ANKRD62: variants seen among roughly 807,000 people sequenced by gnomAD.
ANKRD62 encodes ankyrin repeat domain-containing protein 62.
Under a neutral mutation model 98.8 loss-of-function variants are expected in ANKRD62, and 61 were observed. The ratio of observed to expected loss-of-function variants is 0.62; its 90% CI spans 0.50 to 0.76. ANKRD62 has a LOEUF of 0.76. Among genes scored for constraint, ANKRD62 ranks in the 30% least tolerant of loss-of-function variants. The probability of loss-of-function intolerance (pLI) is 0.00; values close to 1 mark genes in which losing one functional copy is unlikely to be tolerated. For synonymous variants in ANKRD62, 341 were observed against 367.9 expected, an observed-to-expected ratio of 0.93 and a Z score of 0.84; for missense variants, 933 against 1,082.9, an observed-to-expected ratio of 0.86 and a Z score of 1.94.
chr18:12,179,717 A>G, the ANKRD62 span, among the ~76,000 whole-genome samples: 1 of 147,528 alleles, frequency 6.8e-6, no homozygotes, highest in Non-Finnish European at 1.5e-5. Context: ...GAAAGCAAAC[A>G]GATTAAGAAA....
intron 6 of ANKRD62, chr18:12,102,166 T>C (rs1373455077): frequency 9.8e-7 from 1 of 1,023,926 alleles, no homozygotes; most frequent in Non-Finnish European, 1.6e-6. Context: ...CGAGTAACTA[T>C]GAAGAGTGAG....
intron 10 of ANKRD62, among the ~76,000 whole-genome samples, chr18:12,117,912 T>C (rs1176895130): frequency 6.6e-6 from 1 of 152,210 alleles, no homozygotes; most frequent in Non-Finnish European, 1.5e-5. Context: ...AAAGACTTTA[T>C]TTATCAGACC....
At chr18:12,100,603 T>C (rs1473828845) in intron 6 of ANKRD62, among the ~76,000 whole-genome samples, 1 of 152,194 alleles carries the variant, frequency 6.6e-6, no homozygotes, top group Non-Finnish European at 1.5e-5. Flanking sequence ...CAATAAGAAC[T>C]GTACCAATAC....
At chr18:12,180,989 T>C in the ANKRD62 span, among the ~76,000 whole-genome samples, 1 of 147,880 alleles carries the variant, frequency 6.8e-6, no homozygotes, top group East Asian at 2.2e-4. Flanking sequence ...CCTTCCTGTG[T>C]CCATGTGTTC....
chr18:12,105,816 C>T (rs1041277966), intron 7 of ANKRD62, among the ~76,000 whole-genome samples: 4 of 152,100 alleles, frequency 2.6e-5, no homozygotes, highest in Non-Finnish European at 5.9e-5. Flanking sequence ...GGCATAGGGA[C>T]TGGGAAAAAA....
chr18:12,101,581 G>A (rs776999345), intron 6 of ANKRD62, among the ~76,000 whole-genome samples: 1 of 152,128 alleles, frequency 6.6e-6, no homozygotes, highest in Non-Finnish European at 1.5e-5. Flanking sequence ...AATTTTCTGC[G>A]ATGTTTTTAT....
At chr18:12,105,972 G>A (rs1198834355) in intron 7 of ANKRD62, among the ~76,000 whole-genome samples, 1 of 152,142 alleles carries the variant, frequency 6.6e-6, no homozygotes, top group African/African-American at 2.4e-5. Flanking sequence ...GAAATCAATG[G>A]GAAGGAAGCA....
chr18:12,111,413 T>C (rs890926560), intron 8 of ANKRD62, among the ~76,000 whole-genome samples: 18 of 152,096 alleles, frequency 1.2e-4, no homozygotes, highest in African/African-American at 4.3e-4. Context: ...TACCTCAAAA[T>C]AATAAGAGCC....
At position 12,107,459 on chromosome 18, in the gene ANKRD62, G is replaced by T. The variant is rs1568060728; in HGVS notation, c.1056G>T (p.Glu352Asp). The T allele has an allele frequency of 2.7e-6, 4 of 1,500,620 alleles. No individual in the cohort carries two copies. Among genetic ancestry groups the T allele is most frequent in the East Asian group, 2.5e-5 (1 of 39,216 alleles). 93.0% of individuals were successfully genotyped at this position (1,500,620 alleles called of 1,614,324 possible). The change falls in exon 8 of 14, where the codon GAG (glutamate) becomes GAT (aspartate). Residue 352 changes from glutamate to aspartate, a missense_variant. Coordinates refer to ENST00000587848, the MANE Select transcript of ANKRD62 (RefSeq NM_001277333.2). Reference sequence around the variant, plus strand: ...AATCTCCTGGGAAGGAGAATGGCGAGTTTGATAGGTAATCCTGTAGCGATA... The same window carrying T: ...AATCTCCTGGGAAGGAGAATGGCGATTTTGATAGGTAATCCTGTAGCGATA... ...NHQSPGKENGEFDRLARKTSN... is the reference protein window; with the variant it reads ...NHQSPGKENGDFDRLARKTSN...
downstream of ANKRD62, chr18:12,129,898 T>G (rs560566213): frequency 1.3e-5 from 2 of 152,796 alleles, no homozygotes; most frequent in Admixed American, 1.3e-4. Flanking sequence ...TTTGGGTTAT[T>G]TCCACACCTA....
the ANKRD62 span, among the ~76,000 whole-genome samples, chr18:12,179,631 G>A: frequency 6.6e-6 from 1 of 151,508 alleles, no homozygotes; most frequent in African/African-American, 2.4e-5. Context: ...CAAGCTAACT[G>A]CTGCTGCCTG....
At chr18:12,140,303 T>A in the ANKRD62 span, among the ~76,000 whole-genome samples, 775 of 152,332 alleles carry the variant, frequency 5.1e-3, 7 homozygotes, top group African/African-American at 0.018. Flanking sequence ...CTTCCTCCTG[T>A]AGCTCGGAGT....
At chr18:12,164,354 C>T in the ANKRD62 span, among the ~76,000 whole-genome samples, 1 of 151,516 alleles carries the variant, frequency 6.6e-6, no homozygotes, top group Admixed American at 6.6e-5. Context: ...TCTTTTTTTT[C>T]GTCTCTGATT....
chr18:12,102,118 TC>T, intron 6 of ANKRD62: 2 of 1,322,418 alleles, frequency 1.5e-6, no homozygotes, highest in Non-Finnish European at 2.2e-6. Flanking sequence ...CTGCAAGGCA[TC>T]CCCATGAACA....
At chr18:12,140,584 AG>A in the ANKRD62 span, among the ~76,000 whole-genome samples, 1 of 152,204 alleles carries the variant, frequency 6.6e-6, no homozygotes, top group Non-Finnish European at 1.5e-5. Flanking sequence ...CCTCAGCTGC[AG>A]GTCTGTTGGA....
chr18:12,132,538 A>G (rs1442851108), downstream of ANKRD62, among the ~76,000 whole-genome samples: 2 of 152,090 alleles, frequency 1.3e-5, no homozygotes, highest in South Asian at 2.1e-4. Flanking sequence ...AGAAGTGGTA[A>G]GAGCTGACAT....
rs932143057 is a variant in ANKRD62 at position 12,103,140 on chromosome 18, A to G, written c.821-18A>G. On this transcript the variant is annotated intron_variant, in intron 6 of 13. Transcript: ENST00000587848. Reference sequence around the variant, plus strand: ...TCTAAGTAGTTCATTTTAACTAAATATATGGATTTGTGAGCAGAACAAGAC... The same window carrying G: ...TCTAAGTAGTTCATTTTAACTAAATGTATGGATTTGTGAGCAGAACAAGAC... 22 of 1,370,150 alleles carry G rather than the reference A, an allele frequency of 1.6e-5. No homozygotes were observed. In the African/African-American group the frequency reaches 2.1e-4, roughly 13 times the overall value. The allele number at this position is 1,370,150 out of a possible 1,614,324, so 84.9% of individuals were successfully genotyped here.
intron 8 of ANKRD62, among the ~76,000 whole-genome samples, chr18:12,112,287 G>A (rs747594994): frequency 6.6e-5 from 10 of 152,086 alleles, no homozygotes; most frequent in African/African-American, 2.4e-4. Flanking sequence ...AAAGAACAAA[G>A]CTGGAGGAAT....
intron 7 of ANKRD62, among the ~76,000 whole-genome samples, chr18:12,103,582 A>T (rs1205010510): frequency 6.6e-6 from 1 of 152,134 alleles, no homozygotes; most frequent in Admixed American, 6.5e-5. Context: ...CTGTTAAAGA[A>T]GTAATCATTG....
Sources: gnomAD v4.1 joint callset for allele counts (sites outside exome capture counted in the v4.1 genomes callset) on GRCh38, gnomAD v4.1.1 for gene constraint, MANE v1.5 for transcripts, NCBI Gene and HGNC (gene_info 2026-07-23, HGNC 2026-07-21) for gene names.